Variants in MBP observed in about 807,000 individuals in gnomAD.
The protein encoded by MBP is Golli-MBP.
A neutral mutation model predicts 35.8 loss-of-function variants in MBP; 16 were observed. That is an observed-to-expected ratio of 0.45 (90% confidence interval 0.30 to 0.68). The LOEUF is 0.68. MBP is among the 30% of genes least tolerant of loss of function. The pLI, the probability that MBP is intolerant of heterozygous loss-of-function variation, is 0.08. For synonymous variants in MBP, 143 were observed against 159.6 expected, an observed-to-expected ratio of 0.90 and a Z score of 0.78; for missense variants, 380 against 404.7, an observed-to-expected ratio of 0.94 and a Z score of 0.52.
At chr18:77,041,831 C>T (rs138873082) in intron 3 of MBP, among the ~76,000 whole-genome samples, 29 of 150,830 alleles carry the variant, frequency 1.9e-4, no homozygotes, top group East Asian at 1.4e-3. Flanking sequence ...TAATGTTAAA[C>T]GACGAGTTAC....
At chr18:77,048,224 T>C (rs1469133736) in intron 3 of MBP, among the ~76,000 whole-genome samples, 1 of 152,222 alleles carries the variant, frequency 6.6e-6, no homozygotes, top group African/African-American at 2.4e-5. Context: ...TCCTCATCTT[T>C]ACCCGAAAGA....
Position 76,979,934 on chromosome 18 carries a change from C to CTACT in MBP, c.*489_*492dup. 1.4e-6 allele frequency: 1 copy of CTACT among 702,212 alleles called. No homozygotes were observed. The highest frequency in any genetic ancestry group is 2.0e-5 in the Admixed American group (1 of 49,942). The allele number at this position is 702,212 out of a possible 1,614,324, so 43.5% of individuals were successfully genotyped here. The stretch of plus-strand genomic sequence containing the variant: ...CTAATCCTGTTAGGAAAAATGAAGT[C>CTACT]TACTTTAGGAGGTGAGAGAAGGACA... On this transcript the variant is annotated 3_prime_UTR_variant, in exon 9 of 9. Transcript: ENST00000355994.
chr18:77,027,315 T>G (rs1166672256), intron 3 of MBP, among the ~76,000 whole-genome samples: 2 of 152,212 alleles, frequency 1.3e-5, no homozygotes, highest in Non-Finnish European at 2.9e-5. Flanking sequence ...TTAGCTTCAT[T>G]AAAGTGACAT....
chr18:77,071,580 G>C (rs542660923), intron 2 of MBP, among the ~76,000 whole-genome samples: 2 of 152,300 alleles, frequency 1.3e-5, no homozygotes, highest in South Asian at 2.1e-4. Context: ...ATCCATGACT[G>C]TATTCTCTCC....
intron 2 of MBP, among the ~76,000 whole-genome samples, chr18:77,079,662 A>G: frequency 6.6e-6 from 1 of 152,294 alleles, no homozygotes; most frequent in South Asian, 2.1e-4. Context: ...TAAATAATAA[A>G]TATTATTCCT....
chr18:77,112,169 G>GCGCACACACACACACACA lies in MBP; in HGVS notation c.-25-6884_-25-6883insTGTGTGTGTGTGTGTGCG, dbSNP rs370587502. 9.3e-4 allele frequency among the ~76,000 whole-genome samples: 140 copies of GCGCACACACACACACACA among 150,990 alleles called. 1 individual carries two copies. The highest frequency in any genetic ancestry group is 2.6e-3 in the African/African-American group (108 of 41,092). On this transcript the variant is annotated intron_variant, in intron 1 of 8. Transcript: ENST00000355994. ...CCCGTAGAATGAACACCGTGCACAC[G>GCGCACACACACACACACA]CACACACACACACACACACACGTGC...
intron 3 of MBP, among the ~76,000 whole-genome samples, chr18:77,063,922 GTA>G (rs1029387162): frequency 6.8e-6 from 1 of 146,048 alleles, no homozygotes; most frequent in Admixed American, 6.8e-5. Flanking sequence ...GTGTGTGTGT[GTA>G]TGTGTGTATT....
At chr18:77,120,122 G>A (rs1246234021) in intron 1 of MBP, among the ~76,000 whole-genome samples, 2 of 152,244 alleles carry the variant, frequency 1.3e-5, no homozygotes, top group East Asian at 3.8e-4. Context: ...GCCTTGTCTC[G>A]GGTGAGGTAT....
intron 2 of MBP, among the ~76,000 whole-genome samples, chr18:77,077,877 G>A (rs1343223336): frequency 4.6e-5 from 7 of 152,188 alleles, no homozygotes; most frequent in Non-Finnish European, 8.8e-5. Flanking sequence ...ATTTTAATTC[G>A]GGGAGAGTGC....
chr18:77,046,107 T>G (rs926189480), intron 3 of MBP, among the ~76,000 whole-genome samples: 1 of 152,240 alleles, frequency 6.6e-6, no homozygotes, highest in Non-Finnish European at 1.5e-5. Flanking sequence ...TGGATCAAAC[T>G]TTGTCTATTA....
chr18:77,085,426 T>G (rs947715184), intron 2 of MBP, among the ~76,000 whole-genome samples: 1 of 152,216 alleles, frequency 6.6e-6, no homozygotes. Context: ...TCTCCCACTG[T>G]GGAATAGGCA....
At chr18:77,107,496 A>G (rs1976317132) in intron 1 of MBP, among the ~76,000 whole-genome samples, 1 of 152,230 alleles carries the variant, frequency 6.6e-6, no homozygotes, top group South Asian at 2.1e-4. Context: ...ACAAAGCTCC[A>G]AGGACTTGTC....
intron 2 of MBP, among the ~76,000 whole-genome samples, chr18:77,100,655 G>A (rs1029687954): frequency 1.3e-5 from 2 of 151,980 alleles, no homozygotes; most frequent in Non-Finnish European, 2.9e-5. Context: ...AGGCTCAGGT[G>A]ATCTTTCCAC....
At chr18:77,038,020 T>G (rs1172935527) in intron 3 of MBP, among the ~76,000 whole-genome samples, 2 of 152,172 alleles carry the variant, frequency 1.3e-5, no homozygotes, top group African/African-American at 4.8e-5. Context: ...GCAAATCAGA[T>G]GCTCAAAAGG....
chr18:77,067,977 T>G (rs1308947430), intron 2 of MBP: 2 of 395,172 alleles, frequency 5.1e-6, no homozygotes, highest in Non-Finnish European at 1.0e-5. Context: ...ACACTCCGCC[T>G]CCTGGTCACT....
chr18:76,994,716 CTA>C (rs1221045518), intron 4 of MBP, among the ~76,000 whole-genome samples: 1 of 152,092 alleles, frequency 6.6e-6, no homozygotes, highest in African/African-American at 2.4e-5. Flanking sequence ...TCAGAAATGT[CTA>C]TGAAAAAGGC....
At chr18:77,010,167 C>T in intron 4 of MBP, 1 of 545,982 alleles carries the variant, frequency 1.8e-6, no homozygotes, top group Non-Finnish European at 3.3e-6. Flanking sequence ...CCCTGAAGGA[C>T]TCAGGAAATC....
intron 7 of MBP, chr18:76,986,820 G>T (rs1969584290): frequency 2.0e-6 from 2 of 985,418 alleles, no homozygotes; most frequent in Non-Finnish European, 2.4e-6. Flanking sequence ...TAAATCCGGG[G>T]ATTGACTTTC....
chr18:77,032,718 G>A (rs1309532072), intron 3 of MBP, among the ~76,000 whole-genome samples: 1 of 152,194 alleles, frequency 6.6e-6, no homozygotes, highest in Non-Finnish European at 1.5e-5. Context: ...ATTCGGTTAG[G>A]TTGTGCAGCC....
Sources: allele counts gnomAD v4.1 joint callset (sites outside exome capture counted in the v4.1 genomes callset), GRCh38; gene constraint gnomAD v4.1.1; transcripts MANE v1.5; gene names NCBI Gene and HGNC (gene_info 2026-07-23, HGNC 2026-07-21).